Variants in MAP2 observed in about 807,000 individuals in gnomAD.
MAP2 encodes microtubule-associated protein 2.
In MAP2, 14 loss-of-function variants were observed where a neutral mutation model predicts 137.6. The ratio of observed to expected loss-of-function variants is 0.10; its 90% confidence interval spans 0.07 to 0.16. The LOEUF (loss-of-function observed/expected upper bound fraction) is 0.16, where lower values mean the gene tolerates loss of function less well. Ranked by LOEUF, MAP2 falls within the 10% of genes least tolerant of loss-of-function variation. The probability of loss-of-function intolerance (pLI) is 1.00; values close to 1 mark genes in which losing one functional copy is unlikely to be tolerated. For synonymous variants in MAP2, 786 were observed against 782.3 expected (o/e 1.00, Z -0.08); for missense variants, 2,088 against 2,191.5 (o/e 0.95, Z 0.94).
At chr2:209,565,142 C>T (rs1425544339) in intron 2 of MAP2, among the ~76,000 whole-genome samples, 1 of 152,148 alleles carries the variant, frequency 6.6e-6, no homozygotes, top group Non-Finnish European at 1.5e-5. Context: ...TTTAACAACT[C>T]TTTTTCATTG....
chr2:209,570,399 A>T (rs1328340284), intron 2 of MAP2, among the ~76,000 whole-genome samples: 3 of 151,910 alleles, frequency 2.0e-5, no homozygotes, highest in Non-Finnish European at 2.9e-5. Flanking sequence ...TGGGCACTTT[A>T]CTAAACCTAA....
At chr2:209,583,143 G>GTCTATCTA (rs752715711) in intron 3 of MAP2, among the ~76,000 whole-genome samples, 9,790 of 93,624 alleles carry the variant, frequency 0.1, 353 homozygotes, top group African/African-American at 0.16. Context: ...CCATCTGTCT[G>GTCTATCTA]TCTGTCTATC....
At chr2:209,620,064 A>G (rs1198308426) in intron 3 of MAP2, among the ~76,000 whole-genome samples, 1 of 152,166 alleles carries the variant, frequency 6.6e-6, no homozygotes, top group Non-Finnish European at 1.5e-5. Context: ...TGCATGAGAG[A>G]GAAGTGGCCT....
chr2:209,578,428 A>C (rs1339438571), intron 2 of MAP2, among the ~76,000 whole-genome samples: 1 of 152,034 alleles, frequency 6.6e-6, no homozygotes, highest in Non-Finnish European at 1.5e-5. Flanking sequence ...GGAAAAAAAA[A>C]AAAAGAAACA....
chr2:209,663,879 A>G (rs1165087712), intron 5 of MAP2, among the ~76,000 whole-genome samples: 8 of 152,208 alleles, frequency 5.3e-5, no homozygotes, highest in Admixed American at 4.6e-4. Context: ...GGGCAAGTTT[A>G]CATTGTGGTG....
At chr2:209,614,678 G>A (rs553938155) in intron 3 of MAP2, among the ~76,000 whole-genome samples, 171 of 152,150 alleles carry the variant, frequency 1.1e-3, no homozygotes, top group Non-Finnish European at 1.9e-3. Flanking sequence ...ACAAGCAATC[G>A]CTTTAGTAAT....
chr2:209,720,802 C>T (rs1292331454), intron 13 of MAP2, among the ~76,000 whole-genome samples: 2 of 151,904 alleles, frequency 1.3e-5, no homozygotes, highest in Non-Finnish European at 2.9e-5. Context: ...TAGACAATCT[C>T]TAAGATGTTA....
At chr2:209,568,809 T>G (rs1197675974) in intron 2 of MAP2, among the ~76,000 whole-genome samples, 1 of 151,836 alleles carries the variant, frequency 6.6e-6, no homozygotes, top group East Asian at 1.9e-4. Flanking sequence ...AATTAATGAC[T>G]CTAGAAGATG....
chr2:209,444,745 A>G (rs1698638716), intron 1 of MAP2, among the ~76,000 whole-genome samples: 1 of 151,544 alleles, frequency 6.6e-6, no homozygotes, highest in African/African-American at 2.4e-5. Context: ...GTTGAAACTT[A>G]GTTTGCTATT....
chr2:209,451,403 C>G (rs1700273931), intron 1 of MAP2, among the ~76,000 whole-genome samples: 1 of 152,134 alleles, frequency 6.6e-6, no homozygotes, highest in Non-Finnish European at 1.5e-5. Flanking sequence ...TTTCCCCCTT[C>G]CCTCCATGCC....
chr2:209,450,292 C>T (rs570902472), intron 1 of MAP2, among the ~76,000 whole-genome samples: 1 of 152,236 alleles, frequency 6.6e-6, no homozygotes, highest in Non-Finnish European at 1.5e-5. Context: ...CTGGCCAAGG[C>T]ACACATAAAC....
At chr2:209,707,650 C>T (rs1325525850) in intron 12 of MAP2, among the ~76,000 whole-genome samples, 1 of 152,056 alleles carries the variant, frequency 6.6e-6, no homozygotes, top group Non-Finnish European at 1.5e-5. Flanking sequence ...TAGGCTTAAC[C>T]TCTTCAAGTT....
At chr2:209,434,698 T>C (rs1041389976) in intron 1 of MAP2, among the ~76,000 whole-genome samples, 2 of 150,924 alleles carry the variant, frequency 1.3e-5, no homozygotes, top group Non-Finnish European at 3.0e-5. Context: ...AGTGCATGTC[T>C]GTAGTCCTAG....
intron 2 of MAP2, among the ~76,000 whole-genome samples, chr2:209,576,117 T>C (rs1324920088): frequency 6.6e-6 from 1 of 152,084 alleles, no homozygotes; most frequent in Non-Finnish European, 1.5e-5. Context: ...AATTTGGGAG[T>C]ATAGCTAAAT....
chr2:209,582,694 G>T, intron 3 of MAP2, among the ~76,000 whole-genome samples: 1 of 105,360 alleles, frequency 9.5e-6, no homozygotes, highest in South Asian at 2.8e-4. Context: ...TAGATAGATA[G>T]ATAGATAGAA....
Position 209,730,432 on chromosome 2 carries a change from A to C in MAP2, c.*35A>C. ...ATTTAGCATTGAAATAATAATATTTAGGCATGAGCTCTTGGCAGGAGTGGG... is the reference window on the plus strand; with the variant it reads ...ATTTAGCATTGAAATAATAATATTTCGGCATGAGCTCTTGGCAGGAGTGGG... On this transcript the variant is annotated 3_prime_UTR_variant, in exon 16 of 16. Transcript: ENST00000682079. 1 of 1,515,936 alleles carries C rather than the reference A, an allele frequency of 6.6e-7. No individual in the cohort carries two copies. The highest frequency in any genetic ancestry group is 1.7e-5 in the Admixed American group (1 of 57,896). 93.9% of individuals were successfully genotyped at this position (1,515,936 alleles called of 1,614,324 possible). A position where few individuals can be genotyped will look rare whatever the true frequency, so the allele number is the denominator to read the frequency against.
chr2:209,593,002 A>G (rs1470687526), intron 3 of MAP2, among the ~76,000 whole-genome samples: 1 of 151,970 alleles, frequency 6.6e-6, no homozygotes, highest in Non-Finnish European at 1.5e-5. Flanking sequence ...TGAATCATCA[A>G]CTTTACCTTT....
chr2:209,584,199 C>A (rs114457477), intron 3 of MAP2, among the ~76,000 whole-genome samples: 2 of 152,082 alleles, frequency 1.3e-5, no homozygotes, highest in African/African-American at 2.4e-5. Context: ...GAATTCTAAT[C>A]ATTGGAATGG....
intron 3 of MAP2, among the ~76,000 whole-genome samples, chr2:209,603,923 T>C (rs2083786120): frequency 6.6e-6 from 1 of 152,122 alleles, no homozygotes; most frequent in South Asian, 2.1e-4. Context: ...AGTGTCCTAC[T>C]TTTGCTGATC....
Sources: gnomAD v4.1 joint callset for allele counts (sites outside exome capture counted in the v4.1 genomes callset) on GRCh38, gnomAD v4.1.1 for gene constraint, MANE v1.5 for transcripts, NCBI Gene and HGNC (gene_info 2026-07-23, HGNC 2026-07-21) for gene names.